Variants in SPATA16 observed in about 807,000 individuals in gnomAD.
The protein encoded by SPATA16 is spermatogenesis-associated protein 16.
In SPATA16, 36 loss-of-function variants were observed where a neutral mutation model predicts 63.3. The observed-to-expected ratio is 0.57, with a 90% confidence interval of 0.44 to 0.75. The LOEUF (loss-of-function observed/expected upper bound fraction) is 0.75, where lower values mean the gene tolerates loss of function less well. Among genes scored for constraint, SPATA16 ranks in the 30% least tolerant of loss-of-function variants. The pLI is 0.00. For synonymous variants in SPATA16, 203 were observed against 216.7 expected (o/e 0.94, Z 0.56); for missense variants, 646 against 679.3 (o/e 0.95, Z 0.54).
At chr3:172,929,886 C>T (rs1732828936) in intron 6 of SPATA16, among the ~76,000 whole-genome samples, 1 of 152,214 alleles carries the variant, frequency 6.6e-6, no homozygotes, top group African/African-American at 2.4e-5. Flanking sequence ...TACAACTTCT[C>T]TTTTCCTTTT....
chr3:173,035,474 C>T (rs1286439388), intron 3 of SPATA16, among the ~76,000 whole-genome samples: 2 of 152,066 alleles, frequency 1.3e-5, no homozygotes, highest in African/African-American at 4.8e-5. Context: ...ATATTAACAA[C>T]CGCCCTGTAA....
chr3:173,057,794 A>G (rs992358655), intron 2 of SPATA16, among the ~76,000 whole-genome samples: 2 of 152,200 alleles, frequency 1.3e-5, no homozygotes, highest in Non-Finnish European at 2.9e-5. Context: ...GAAAAACATT[A>G]CATCTATTAA....
At position 172,961,646 on chromosome 3, in the gene SPATA16, C is replaced by T. The variant is rs569919353; in HGVS notation, c.934-4822G>A. Among the ~76,000 whole-genome samples the T allele has an allele frequency of 5.2e-4, 79 of 152,270 alleles. No individual in the cohort carries two copies. In the South Asian group the frequency reaches 6.4e-3, roughly 12 times the overall value. ...CTGACCTCAGGTGATCCTTCTGCTT[C>T]GGCTTCCCAAAGTACTGGATTACAG... On this transcript the variant is annotated intron_variant, in intron 5 of 10. Transcript: ENST00000351008.
At chr3:172,988,996 G>A (rs1471640453) in intron 4 of SPATA16, among the ~76,000 whole-genome samples, 2 of 152,150 alleles carry the variant, frequency 1.3e-5, no homozygotes, top group Non-Finnish European at 2.9e-5. Flanking sequence ...CATCTATTCA[G>A]AGCAGACATT....
At chr3:173,111,757 C>A (rs950562416) in intron 2 of SPATA16, among the ~76,000 whole-genome samples, 1 of 152,046 alleles carries the variant, frequency 6.6e-6, no homozygotes, top group Non-Finnish European at 1.5e-5. Flanking sequence ...TGTCTTATAC[C>A]AAATTCCATT....
chr3:172,963,392 T>C (rs1733834943), intron 5 of SPATA16, among the ~76,000 whole-genome samples: 1 of 152,048 alleles, frequency 6.6e-6, no homozygotes, highest in African/African-American at 2.4e-5. Flanking sequence ...TGGACTTTTA[T>C]ATAGCTTTTT....
In SPATA16 at chr3:172,889,404, T is replaced by C; in HGVS notation, c.*166A>G. 1 of 954,050 alleles carries C rather than the reference T, an allele frequency of 1.0e-6. No individual in the cohort carries two copies. Among genetic ancestry groups the C allele is most frequent in the Admixed American group, 2.2e-5 (1 of 45,594 alleles). 59.1% of individuals were successfully genotyped at this position (954,050 alleles called of 1,614,324 possible). ...ATTTATTGCTGCCAGTTGAGATTAATGAAACATAGAGTGTCTTTGGTAAAG... is the reference window on the plus strand; with the variant it reads ...ATTTATTGCTGCCAGTTGAGATTAACGAAACATAGAGTGTCTTTGGTAAAG... On this transcript the variant is annotated 3_prime_UTR_variant, in exon 11 of 11. Transcript: ENST00000351008.
intron 2 of SPATA16, among the ~76,000 whole-genome samples, chr3:173,060,455 A>T (rs1029310084): frequency 2.6e-5 from 4 of 152,236 alleles, no homozygotes; most frequent in Admixed American, 2.6e-4. Flanking sequence ...ATGAATTTTA[A>T]ATTAGATGCA....
chr3:173,089,614 CATG>C (rs751727660), intron 2 of SPATA16, among the ~76,000 whole-genome samples: 2 of 152,138 alleles, frequency 1.3e-5, no homozygotes, highest in Non-Finnish European at 2.9e-5. Flanking sequence ...GACCTGAAGA[CATG>C]GTGGTGGTGG....
intron 3 of SPATA16, among the ~76,000 whole-genome samples, chr3:173,038,275 A>T (rs774758451): frequency 2.0e-5 from 3 of 152,062 alleles, no homozygotes; most frequent in Non-Finnish European, 4.4e-5. Context: ...GACTTCTCCA[A>T]GCCAAGTGTC....
intron 2 of SPATA16, among the ~76,000 whole-genome samples, chr3:173,088,087 C>CTTTT (rs543770917): frequency 1.6e-5 from 1 of 62,954 alleles, no homozygotes; most frequent in African/African-American, 6.2e-5. Flanking sequence ...TCTGTCTTTT[C>CTTTT]TTTTTTTTTT....
chr3:173,062,099 C>A (rs1440925217), intron 2 of SPATA16, among the ~76,000 whole-genome samples: 1 of 141,604 alleles, frequency 7.1e-6, no homozygotes, highest in East Asian at 2.1e-4. Context: ...GGTGTGGCCA[C>A]CGTGGGTTCA....
chr3:173,078,565 C>A (rs1736856602), intron 2 of SPATA16, among the ~76,000 whole-genome samples: 2 of 152,112 alleles, frequency 1.3e-5, no homozygotes, highest in Non-Finnish European at 1.5e-5. Context: ...TCTGACCATG[C>A]AAAATCGTTT....
chr3:172,980,012 C>T (rs554394807), intron 4 of SPATA16, among the ~76,000 whole-genome samples: 15 of 152,254 alleles, frequency 9.9e-5, no homozygotes, highest in African/African-American at 3.6e-4. Context: ...CCTTTTTCTT[C>T]CCAGTGGAAA....
chr3:172,947,915 T>C (rs999538760), intron 6 of SPATA16, among the ~76,000 whole-genome samples: 1 of 152,048 alleles, frequency 6.6e-6, no homozygotes, highest in African/African-American at 2.4e-5. Context: ...CTGTACATTC[T>C]GCACATGTAT....
chr3:173,109,092 T>C (rs75818382), intron 2 of SPATA16, among the ~76,000 whole-genome samples: 2,950 of 152,294 alleles, frequency 0.019, 92 homozygotes, highest in African/African-American at 0.068. Flanking sequence ...TGTAGGCTTA[T>C]TTATTGAAAA....
intron 2 of SPATA16, among the ~76,000 whole-genome samples, chr3:173,113,161 TA>T (rs558846915): frequency 1.3e-5 from 2 of 152,234 alleles, no homozygotes; most frequent in Non-Finnish European, 2.9e-5. Context: ...GAGGCAGTCA[TA>T]TTTTTTTAAA....
At chr3:173,041,845 C>T in intron 3 of SPATA16, among the ~76,000 whole-genome samples, 1 of 151,874 alleles carries the variant, frequency 6.6e-6, no homozygotes, top group East Asian at 1.9e-4. Context: ...GGAGATATAC[C>T]TAATGTTAAA....
At chr3:172,908,171 A>G (rs1028207458) in intron 10 of SPATA16, among the ~76,000 whole-genome samples, 4 of 152,304 alleles carry the variant, frequency 2.6e-5, no homozygotes, top group Non-Finnish European at 5.9e-5. Context: ...ATAAATGAGC[A>G]ATGTGTCAAC....
Sources: allele counts gnomAD v4.1 joint callset (sites outside exome capture counted in the v4.1 genomes callset), GRCh38; gene constraint gnomAD v4.1.1; transcripts MANE v1.5; gene names NCBI Gene and HGNC (gene_info 2026-07-23, HGNC 2026-07-21).